Variants in NHEJ1 observed in about 807,000 individuals in gnomAD.
NHEJ1 encodes non-homologous end joining factor 1.
A neutral mutation model predicts 39.4 loss-of-function variants in NHEJ1; 22 were observed. The ratio of observed to expected loss-of-function variants is 0.56; its 90% CI spans 0.40 to 0.80. The LOEUF (loss-of-function observed/expected upper bound fraction) is 0.80. NHEJ1 is among the 30% of genes least tolerant of loss of function. The pLI, the probability that NHEJ1 is intolerant of heterozygous loss-of-function variation, is 0.00. For missense variants in NHEJ1, 329 were observed against 357.1 expected (o/e 0.92, Z 0.63); for synonymous variants, 154 against 135.6 (o/e 1.14, Z -0.94).
intron 5 of NHEJ1, among the ~76,000 whole-genome samples, chr2:219,126,236 C>G (rs891685061): frequency 6.6e-6 from 1 of 152,168 alleles, no homozygotes; most frequent in African/African-American, 2.4e-5. Context: ...TACAACAAAG[C>G]CTCTAAGATA....
chr2:219,132,812 T>C (rs929126095), intron 5 of NHEJ1, among the ~76,000 whole-genome samples: 1 of 152,188 alleles, frequency 6.6e-6, no homozygotes, highest in Non-Finnish European at 1.5e-5. Context: ...CATTTCTTCC[T>C]CCTCTCAGGT....
At chr2:219,093,133 C>T (rs1490085503) in intron 5 of NHEJ1, among the ~76,000 whole-genome samples, 1 of 152,132 alleles carries the variant, frequency 6.6e-6, no homozygotes, top group Non-Finnish European at 1.5e-5. Flanking sequence ...TACGTATACT[C>T]TAGATTCTGT....
chr2:219,155,105 C>G (rs1044493709), intron 3 of NHEJ1, among the ~76,000 whole-genome samples: 4 of 151,492 alleles, frequency 2.6e-5, no homozygotes, highest in Non-Finnish European at 2.9e-5. Context: ...AGAACTGTCT[C>G]CACAATCACA....
At chr2:219,099,981 G>A (rs73991039) in intron 5 of NHEJ1, among the ~76,000 whole-genome samples, 3,729 of 152,256 alleles carry the variant, frequency 0.024, 154 homozygotes, top group African/African-American at 0.084. Flanking sequence ...CTGGTAGGTG[G>A]CATCCAGTGG....
chr2:219,143,251 C>A (rs887873014), intron 5 of NHEJ1, among the ~76,000 whole-genome samples: 1 of 152,084 alleles, frequency 6.6e-6, no homozygotes, highest in Non-Finnish European at 1.5e-5. Context: ...CCCCATGACC[C>A]TTCTGTGTCC....
chr2:219,099,170 G>C (rs1412635647), intron 5 of NHEJ1, among the ~76,000 whole-genome samples: 2 of 152,188 alleles, frequency 1.3e-5, no homozygotes. Flanking sequence ...AATGATTGGT[G>C]ATTACAAGGC....
intron 5 of NHEJ1, among the ~76,000 whole-genome samples, chr2:219,096,794 A>G (rs181668246): frequency 2.6e-5 from 4 of 152,032 alleles, no homozygotes; most frequent in Non-Finnish European, 4.4e-5. Context: ...AGTGAGGGAG[A>G]CAAAGGTGGT....
chr2:219,143,957 T>C (rs1291970783), intron 5 of NHEJ1, among the ~76,000 whole-genome samples: 1 of 152,156 alleles, frequency 6.6e-6, no homozygotes, highest in Non-Finnish European at 1.5e-5. Context: ...TCTCAGCACT[T>C]TGAAAGGCCA....
chr2:219,144,512 G>T (rs1949718111), intron 5 of NHEJ1, among the ~76,000 whole-genome samples: 2 of 152,106 alleles, frequency 1.3e-5, no homozygotes, highest in South Asian at 4.1e-4. Context: ...CAAACAAGGT[G>T]AAGCTGACAT....
chr2:219,123,204 GAATCAAATTACAAGGCTC>G (rs1949487416), intron 5 of NHEJ1, among the ~76,000 whole-genome samples: 1 of 152,190 alleles, frequency 6.6e-6, no homozygotes, highest in African/African-American at 2.4e-5. Flanking sequence ...ACAAAAACCA[GAATCAAATTACAAGGCTC>G]AATTAGGCAA....
intron 5 of NHEJ1, among the ~76,000 whole-genome samples, chr2:219,095,921 G>A (rs73991032): frequency 0.025 from 3,722 of 151,850 alleles, 157 homozygotes; most frequent in African/African-American, 0.084. Context: ...GATAAACCAA[G>A]ATTTAGATTC....
chr2:219,147,514 A>G (rs894390625), intron 4 of NHEJ1, 143 bp downstream of exon 4: 3 of 953,812 alleles, frequency 3.1e-6, no homozygotes, highest in East Asian at 2.5e-5. Context: ...GTCACCTAAT[A>G]TCAAGACTCC....
rs373572379 is a variant in NHEJ1, at chr2:219,149,830, G to T, written c.391-2035C>A. 2.2e-4 allele frequency among the ~76,000 whole-genome samples: 34 copies of T among 152,272 alleles called. No individual in the cohort carries two copies. In the East Asian group the frequency reaches 6.6e-3, roughly 29 times the overall value. On this transcript the variant is annotated intron_variant, in intron 3 of 7. Coordinates refer to ENST00000356853, the MANE Select transcript of NHEJ1 (RefSeq NM_024782.3). Reference sequence around the variant, plus strand: ...CTATCCAGTCCCTGTTGCAACTACTGGACTCTCCTGTTGTAGCACAAAAGC... The same window carrying T: ...CTATCCAGTCCCTGTTGCAACTACTTGACTCTCCTGTTGTAGCACAAAAGC...
At chr2:219,093,072 T>C (rs960270864) in intron 5 of NHEJ1, among the ~76,000 whole-genome samples, 1 of 152,244 alleles carries the variant, frequency 6.6e-6, no homozygotes, top group African/African-American at 2.4e-5. Context: ...TATGTGTGTA[T>C]ATTAACAGCC....
chr2:219,095,265 A>G (rs771263243), intron 5 of NHEJ1: 1 of 469,972 alleles, frequency 2.1e-6, no homozygotes, highest in South Asian at 1.6e-5. Context: ...AATGGAAACA[A>G]AAGCTTACCA....
At chr2:219,135,136 T>C (rs1553547245) in intron 5 of NHEJ1, among the ~76,000 whole-genome samples, 1 of 152,036 alleles carries the variant, frequency 6.6e-6, no homozygotes, top group Non-Finnish European at 1.5e-5. Flanking sequence ...ACTGATTTTG[T>C]AAAAAATAGG....
intron 1 of NHEJ1, 192 bp downstream of exon 1, chr2:219,160,528 A>C (rs1949923357): frequency 6.6e-6 from 1 of 151,890 alleles, no homozygotes; most frequent in African/African-American, 2.4e-5. Flanking sequence ...GAGCCCTACC[A>C]TCCACGCCGG....
chr2:219,085,790 A>G lies in NHEJ1; in HGVS notation c.589-7584T>C, dbSNP rs556841805. Among the ~76,000 whole-genome samples, 6 of 151,294 alleles carry G rather than the reference A, an allele frequency of 4.0e-5. No individual in the cohort carries two copies. In the East Asian group the frequency reaches 1.2e-3, roughly 30 times the overall value. On this transcript the variant is annotated intron_variant, in intron 5 of 7. Coordinates refer to ENST00000356853, the MANE Select transcript of NHEJ1 (RefSeq NM_024782.3). ...CATACAGTCATATATGCAAACATCT[A>G]TGTATGCAATCTAGTCAAGTTACTG... is the stretch of plus-strand genomic sequence containing the variant.
At chr2:219,102,094 T>C (rs1271944125) in intron 5 of NHEJ1, among the ~76,000 whole-genome samples, 1 of 152,220 alleles carries the variant, frequency 6.6e-6, no homozygotes. Context: ...ATTTCCATAA[T>C]GATGGACTTT....
Sources: allele counts gnomAD v4.1 joint callset (sites outside exome capture counted in the v4.1 genomes callset), GRCh38; gene constraint gnomAD v4.1.1; transcripts MANE v1.5; gene names NCBI Gene and HGNC (gene_info 2026-07-23, HGNC 2026-07-21).